ASTN2: variants seen among roughly 807,000 people sequenced by gnomAD.
ASTN2 encodes astrotactin-2.
A neutral mutation model predicts 139.8 loss-of-function variants in ASTN2; 54 were observed. That is an observed-to-expected ratio of 0.39 (90% CI 0.31 to 0.48). The LOEUF is 0.48. ASTN2 is among the 20% of genes least tolerant of loss of function. The pLI, the probability that ASTN2 is intolerant of heterozygous loss-of-function variation, is 0.95. For missense variants in ASTN2, 1,565 were observed against 1,725.1 expected, an observed-to-expected ratio of 0.91 and a Z score of 1.64; for synonymous variants, 756 against 719.5, an observed-to-expected ratio of 1.05 and a Z score of -0.81.
chr9:116,987,289 A>T (rs143273729), intron 7 of ASTN2, among the ~76,000 whole-genome samples: 5 of 152,334 alleles, frequency 3.3e-5, no homozygotes, highest in African/African-American at 1.2e-4. Flanking sequence ...GTTGTTTAAA[A>T]GCGTGTAGCC....
At chr9:117,378,348 T>C (rs530596670) in intron 1 of ASTN2, among the ~76,000 whole-genome samples, 1 of 152,316 alleles carries the variant, frequency 6.6e-6, no homozygotes, top group East Asian at 1.9e-4. Context: ...AGATTTCCAC[T>C]GGATAGCAGG....
At chr9:117,176,709 G>C (rs999106523) in intron 3 of ASTN2, among the ~76,000 whole-genome samples, 1 of 152,132 alleles carries the variant, frequency 6.6e-6, no homozygotes, top group African/African-American at 2.4e-5. Flanking sequence ...GAGGTGGGAG[G>C]CTTGCTCAAG....
intron 7 of ASTN2, among the ~76,000 whole-genome samples, chr9:116,981,214 C>T (rs1009174280): frequency 2.0e-5 from 3 of 152,130 alleles, no homozygotes; most frequent in Non-Finnish European, 2.9e-5. Context: ...CTTAATCATC[C>T]TGTATTCTAA....
At chr9:117,207,407 C>G (rs1831965869) in intron 3 of ASTN2, among the ~76,000 whole-genome samples, 1 of 151,974 alleles carries the variant, frequency 6.6e-6, no homozygotes, top group Admixed American at 6.5e-5. Context: ...GCCCATGTCT[C>G]AAGCTGGAGA....
At chr9:117,218,612 A>T (rs1022607817) in intron 2 of ASTN2, among the ~76,000 whole-genome samples, 1 of 152,238 alleles carries the variant, frequency 6.6e-6, no homozygotes. Flanking sequence ...AGTGGAATAC[A>T]TAAAATTGGA....
intron 16 of ASTN2, among the ~76,000 whole-genome samples, chr9:116,723,884 C>T (rs943027904): frequency 6.6e-6 from 1 of 152,184 alleles, no homozygotes; most frequent in African/African-American, 2.4e-5. Flanking sequence ...GGAAGGAAAA[C>T]ACCAAGTTTA....
intron 10 of ASTN2, among the ~76,000 whole-genome samples, chr9:116,959,095 A>C (rs1199317497): frequency 6.6e-6 from 1 of 152,162 alleles, no homozygotes; most frequent in Non-Finnish European, 1.5e-5. Flanking sequence ...AGCAGCACTG[A>C]GACACAGAAG....
intron 11 of ASTN2, among the ~76,000 whole-genome samples, chr9:116,827,827 C>T (rs1345246110): frequency 1.3e-5 from 2 of 152,086 alleles, no homozygotes; most frequent in Admixed American, 6.6e-5. Context: ...AAAACTAACA[C>T]CAATTTTCCT....
At chr9:116,665,694 T>C (rs1214439263) in intron 16 of ASTN2, among the ~76,000 whole-genome samples, 1 of 152,176 alleles carries the variant, frequency 6.6e-6, no homozygotes, top group Non-Finnish European at 1.5e-5. Flanking sequence ...ATGAAGTCAT[T>C]TCAAAAGGAC....
intron 12 of ASTN2, among the ~76,000 whole-genome samples, chr9:116,811,208 CT>C (rs563367864): frequency 1.8e-3 from 270 of 151,574 alleles, no homozygotes; most frequent in Admixed American, 3.5e-3. Context: ...TTTTATAATT[CT>C]TTTTATGGCT....
At chr9:116,643,199 C>T (rs1455390676) in intron 17 of ASTN2, among the ~76,000 whole-genome samples, 2 of 152,090 alleles carry the variant, frequency 1.3e-5, no homozygotes, top group Non-Finnish European at 2.9e-5. Flanking sequence ...ATAGTTGGCA[C>T]TCGATAATTG....
intron 6 of ASTN2, among the ~76,000 whole-genome samples, chr9:117,027,068 C>T (rs569700860): frequency 6.6e-6 from 1 of 152,250 alleles, no homozygotes; most frequent in South Asian, 2.1e-4. Flanking sequence ...AGTAGTAGTT[C>T]AGGACCATTT....
At chr9:117,028,115 G>A (rs919375810) in intron 6 of ASTN2, among the ~76,000 whole-genome samples, 6 of 152,152 alleles carry the variant, frequency 3.9e-5, no homozygotes, top group African/African-American at 7.2e-5. Flanking sequence ...CTGGCCCTGA[G>A]CAGGCACTCA....
chr9:116,698,472 G>T lies in ASTN2; in HGVS notation c.2806+27299C>A. 6.2e-7 allele frequency: 1 copy of T among 1,613,876 alleles called. No individual in the cohort carries two copies. Among genetic ancestry groups the T allele is most frequent in the Non-Finnish European group, 8.5e-7 (1 of 1,180,000 alleles). On this transcript the variant is annotated intron_variant, in intron 16 of 22. Coordinates refer to ENST00000313400, the MANE Select transcript of ASTN2 (RefSeq NM_001365068.1). This position sits in a 1 kb window ranked among gnomAD's most constrained non-coding sequence, Gnocchi z 4.4. ...TGTGTCTCGCTGTGACTACTTCCTG[G>T]CCAAGATCAAGCAGGCAGATGTAGC... is the stretch of plus-strand genomic sequence containing the variant.
intron 10 of ASTN2, among the ~76,000 whole-genome samples, chr9:116,908,018 C>T (rs138927397): frequency 1.4e-4 from 21 of 152,296 alleles, no homozygotes; most frequent in African/African-American, 4.6e-4. Context: ...AGCCTCACCC[C>T]TCACATTTTG....
chr9:116,991,065 A>G (rs1447672143), intron 7 of ASTN2, among the ~76,000 whole-genome samples: 2 of 152,176 alleles, frequency 1.3e-5, no homozygotes, highest in African/African-American at 4.8e-5. Flanking sequence ...AACTCAAACC[A>G]TCTAGTGAAA....
intron 22 of ASTN2, among the ~76,000 whole-genome samples, chr9:116,431,718 A>AT (rs5900209): frequency 0.93 from 140,822 of 152,162 alleles, 65,992 homozygotes; most frequent in Non-Finnish European, 1. Flanking sequence ...AACTGTACCT[A>AT]TGCAACATTA....
At chr9:116,437,321 AT>A (rs1393841915) in intron 22 of ASTN2, 13 of 471,200 alleles carry the variant, frequency 2.8e-5, no homozygotes, top group Non-Finnish European at 1.3e-5. Context: ...ACCAGGATAG[AT>A]TAGGAGGCAG....
At chr9:117,258,350 G>A (rs1438866288) in intron 2 of ASTN2, among the ~76,000 whole-genome samples, 1 of 152,080 alleles carries the variant, frequency 6.6e-6, no homozygotes, top group Non-Finnish European at 1.5e-5. Context: ...ATTTAATGTT[G>A]CAAATTGTTA....
Sources: allele counts gnomAD v4.1 joint callset (sites outside exome capture counted in the v4.1 genomes callset), GRCh38; gene constraint gnomAD v4.1.1; non-coding constraint Gnocchi (gnomAD v3.1); transcripts MANE v1.5; gene names NCBI Gene and HGNC (gene_info 2026-07-23, HGNC 2026-07-21).